The following CDC42EP4 variants were observed in gnomAD, a reference collection of about 807,000 sequenced individuals.
CDC42EP4 encodes CDC42 effector protein (Rho GTPase binding) 4.
A neutral mutation model predicts 5.6 loss-of-function variants in CDC42EP4; 6 were observed. That is an observed-to-expected ratio of 1.07 (90% confidence interval 0.59 to 2.12). The LOEUF (loss-of-function observed/expected upper bound fraction) is 2.12. Ranked by LOEUF, CDC42EP4 falls within the 30% of genes most tolerant of loss-of-function variation. The pLI is 0.00. For synonymous variants in CDC42EP4, 230 were observed against 224.2 expected (o/e 1.03, Z -0.23); for missense variants, 490 against 508.6 (o/e 0.96, Z 0.35).
At chr17:73,293,429 G>A (rs569857008) in intron 1 of CDC42EP4, among the ~76,000 whole-genome samples, 2 of 152,318 alleles carry the variant, frequency 1.3e-5, no homozygotes, top group East Asian at 3.9e-4. Context: ...CCAGACCAGG[G>A]AGGAGAGAAA....
At chr17:73,295,873 C>G (rs1199276927) in intron 1 of CDC42EP4, among the ~76,000 whole-genome samples, 1 of 149,382 alleles carries the variant, frequency 6.7e-6, no homozygotes, top group Non-Finnish European at 1.5e-5. Context: ...CCATTGCACT[C>G]CAGCCCAGGC....
intron 1 of CDC42EP4, chr17:73,311,337 G>T (rs929951447): frequency 6.6e-6 from 1 of 152,622 alleles, no homozygotes; most frequent in Non-Finnish European, 1.5e-5. Context: ...ATTGGGTGGC[G>T]TGTGCTGCAG....
intron 1 of CDC42EP4, among the ~76,000 whole-genome samples, chr17:73,301,046 T>C (rs2062216980): frequency 2.9e-5 from 4 of 138,328 alleles, no homozygotes; most frequent in Non-Finnish European, 6.1e-5. Flanking sequence ...AAACTCCGTC[T>C]CAAAAAAATT....
At chr17:73,305,835 C>T (rs975250573) in intron 1 of CDC42EP4, among the ~76,000 whole-genome samples, 9 of 152,188 alleles carry the variant, frequency 5.9e-5, no homozygotes, top group African/African-American at 2.2e-4. Flanking sequence ...AAAGTCTGTA[C>T]AGTGAAACGT....
At chr17:73,287,413 A>C (rs1568340337) in intron 1 of CDC42EP4, among the ~76,000 whole-genome samples, 1 of 152,212 alleles carries the variant, frequency 6.6e-6, no homozygotes, top group Admixed American at 6.5e-5. Context: ...AGTGGGAGGC[A>C]GGGACTGGAC....
intron 1 of CDC42EP4, among the ~76,000 whole-genome samples, chr17:73,291,215 T>C (rs2062159852): frequency 6.6e-6 from 1 of 152,090 alleles, no homozygotes; most frequent in Admixed American, 6.5e-5. Flanking sequence ...CTTTGTGGCT[T>C]GTAGAAAGCC....
Position 73,286,741 on chromosome 17 carries a change from G to A in CDC42EP4, c.-112-129C>T. The A allele has an allele frequency of 1.9e-6, 1 of 537,020 alleles. No individual in the cohort carries two copies. The highest frequency in any genetic ancestry group is 3.3e-6 in the Non-Finnish European group (1 of 302,172). The allele number at this position is 537,020 out of a possible 1,614,324, so 33.3% of individuals were successfully genotyped here. ...AAGTTAAATGCTGTGAAATAAGCCA[G>A]CAATCCATGGTATAACCCTGCCTGT... On this transcript the variant is annotated intron_variant, in intron 1 of 1. Coordinates refer to ENST00000335793, the MANE Select transcript of CDC42EP4 (RefSeq NM_012121.5). The surrounding 1 kb of genome is among the most constrained non-coding windows in gnomAD (Gnocchi z 7.7).
rs558726352 is a variant in CDC42EP4, at chr17:73,309,372, A to G, written c.-113+2521T>C. Among the ~76,000 whole-genome samples, 6 of 152,200 alleles carry G rather than the reference A, an allele frequency of 3.9e-5. 1 individual carries two copies. Among genetic ancestry groups the G allele is most frequent in the African/African-American group, 1.4e-4 (6 of 41,520 alleles). ...CAAAAAATTAATAAATAAAATAAAAATTATTTTTAAAATCAAAAGACTGGT... is the reference window on the plus strand; with the variant it reads ...CAAAAAATTAATAAATAAAATAAAAGTTATTTTTAAAATCAAAAGACTGGT... On this transcript the variant is annotated intron_variant, in intron 1 of 1. Coordinates refer to ENST00000335793, the MANE Select transcript of CDC42EP4 (RefSeq NM_012121.5).
At chr17:73,298,025 AG>A (rs1378677837) in intron 1 of CDC42EP4, among the ~76,000 whole-genome samples, 1 of 151,646 alleles carries the variant, frequency 6.6e-6, no homozygotes. Context: ...AAAGTATCAA[AG>A]GCTTAAAGAA....
chr17:73,291,390 G>T (rs746375271), intron 1 of CDC42EP4, among the ~76,000 whole-genome samples: 1 of 152,190 alleles, frequency 6.6e-6, no homozygotes, highest in Non-Finnish European at 1.5e-5. Context: ...CACCCAGCAG[G>T]ATTGAGGGTC....
Position 73,286,004 on chromosome 17 carries a change from C to T in CDC42EP4, c.497G>A (p.Arg166Gln), listed in dbSNP as rs141645814. 2.7e-4 allele frequency: 432 copies of T among 1,613,508 alleles called. 2 individuals carry two copies. The East Asian group carries it at 8.7e-3, about 32-fold the overall frequency. ...GGAATGTGGACCCGCGGCCCCATTC[C>T]GACGGGGCACTGCCTCCTCCGTGCC... The part of the protein sequence containing the change: ...EAGTEEAVPR[R>Q]NGAAGPHSPD... The change falls in exon 2 of 2, where the codon CGG (arginine) becomes CAG (glutamine). Residue 166 changes from arginine (R) to glutamine (Q), a missense_variant. By Grantham distance (43) the Arg-to-Gln change is conservative. Transcript: ENST00000335793. The surrounding 1 kb of genome is among the most constrained non-coding windows in gnomAD (Gnocchi z 7.7).
At chr17:73,296,934 TAG>T (rs2062189225) in intron 1 of CDC42EP4, among the ~76,000 whole-genome samples, 1 of 122,670 alleles carries the variant, frequency 8.2e-6, no homozygotes, top group East Asian at 2.4e-4. Flanking sequence ...TGAGCCGAGA[TAG>T]CGCCACTGCA....
chr17:73,286,114 C>G lies in CDC42EP4; in HGVS notation c.387G>C (p.Glu129Asp), dbSNP rs1466277678. Residue 129 changes from glutamate (E) to aspartate (D), a missense_variant, in exon 2 of 2, where the codon GAG (glutamate) becomes GAC (aspartate). By Grantham distance (45) the Glu-to-Asp change is conservative. Transcript: ENST00000335793. This position sits in a 1 kb window ranked among gnomAD's most constrained non-coding sequence, Gnocchi z 7.7. ...LPQLNEKEAAEKGTSKLPKSL... is the reference protein window; with the variant it reads ...LPQLNEKEAADKGTSKLPKSL... Reference sequence around the variant, plus strand: ...TCTTGGGCAGCTTACTGGTGCCCTTCTCCGCGGCCTCCTTCTCATTGAGCT... The same window carrying G: ...TCTTGGGCAGCTTACTGGTGCCCTTGTCCGCGGCCTCCTTCTCATTGAGCT... The G allele has an allele frequency of 1.2e-6, 2 of 1,614,046 alleles. No individual in the cohort carries two copies. The highest frequency in any genetic ancestry group is 1.7e-6 in the Non-Finnish European group (2 of 1,180,038).
In CDC42EP4 at chr17:73,286,329, C is replaced by A; in HGVS notation, c.172G>T (p.Gly58Cys). Residue 58 changes from glycine to cysteine, a missense_variant, in exon 2 of 2, where the codon GGC becomes TGC. Coordinates refer to ENST00000335793, the MANE Select transcript of CDC42EP4 (RefSeq NM_012121.5). The surrounding 1 kb of genome is among the most constrained non-coding windows in gnomAD (Gnocchi z 7.7). Reference sequence around the variant, plus strand: ...TCCAAGGACTCGCCGTCGGGCTCGCCAGCCTTGCTATTGAGGAAGGAGGTG... The same window carrying A: ...TCCAAGGACTCGCCGTCGGGCTCGCAAGCCTTGCTATTGAGGAAGGAGGTG... ...GDTSFLNSKA[G>C]EPDGESLDEQ... 6.2e-7 allele frequency: 1 copy of A among 1,614,210 alleles called. No homozygotes were observed. The highest frequency in any genetic ancestry group is 8.5e-7 in the Non-Finnish European group (1 of 1,180,048).
At chr17:73,288,951 T>G (rs2062147194) in intron 1 of CDC42EP4, among the ~76,000 whole-genome samples, 1 of 152,216 alleles carries the variant, frequency 6.6e-6, no homozygotes, top group African/African-American at 2.4e-5. Context: ...TGCCTTGAGA[T>G]GATACTCTAC....
In CDC42EP4 at chr17:73,297,001, A is replaced by AAAAAAAAAAAAAAAAAAC. The variant is rs547362762; in HGVS notation, c.-112-10390_-112-10389insGTTTTTTTTTTTTTTTTT. Among the ~76,000 whole-genome samples the AAAAAAAAAAAAAAAAAAC allele has an allele frequency of 9.2e-4, 57 of 61,766 alleles. 8 individuals carry two copies. The highest frequency in any genetic ancestry group is 1.6e-3 in the East Asian group (4 of 2,460). 40.5% of individuals were successfully genotyped at this position (61,766 alleles called of 152,430 possible). On this transcript the variant is annotated intron_variant, in intron 1 of 1. Coordinates refer to ENST00000335793, the MANE Select transcript of CDC42EP4 (RefSeq NM_012121.5). ...GTCTCAAAAAAAAAAAAAAAAAAAA[A>AAAAAAAAAAAAAAAAAAC]AAATACACAAGGCCAAGCGCCGTGG...
At chr17:73,289,010 C>A (rs1377973192) in intron 1 of CDC42EP4, among the ~76,000 whole-genome samples, 1 of 152,222 alleles carries the variant, frequency 6.6e-6, no homozygotes, top group East Asian at 1.9e-4. Context: ...AGGAAAGTGA[C>A]CTTCCCCTAA....
chr17:73,302,323 C>T (rs2062223083), intron 1 of CDC42EP4, among the ~76,000 whole-genome samples: 1 of 152,090 alleles, frequency 6.6e-6, no homozygotes, highest in Non-Finnish European at 1.5e-5. Context: ...GTTACACTGC[C>T]AATATAATGT....
intron 1 of CDC42EP4, among the ~76,000 whole-genome samples, chr17:73,296,889 G>A (rs181431904): frequency 1.4e-3 from 206 of 148,734 alleles, no homozygotes; most frequent in African/African-American, 9.9e-4. Flanking sequence ...GCTGAGGCAG[G>A]AGAATGGCGT....
Sources: allele counts gnomAD v4.1 joint callset (sites outside exome capture counted in the v4.1 genomes callset), GRCh38; gene constraint gnomAD v4.1.1; non-coding constraint Gnocchi (gnomAD v3.1); transcripts MANE v1.5; gene names NCBI Gene and HGNC (gene_info 2026-07-23, HGNC 2026-07-21).